Variants in SATB2 observed in about 807,000 individuals in gnomAD.
SATB2 encodes SATB homeobox 2, also known as DNA-binding protein SATB2.
In SATB2, 1 loss-of-function variant was observed where a neutral mutation model predicts 73.4. The observed-to-expected ratio is 0.01, with a 90% confidence interval of 0.00 to 0.06. SATB2 has a LOEUF of 0.06. Ranked by LOEUF, SATB2 falls within the 10% of genes least tolerant of loss-of-function variation. The pLI is 1.00. For synonymous variants in SATB2, 397 were observed against 367.0 expected, an observed-to-expected ratio of 1.08 and a Z score of -0.93; for missense variants, 459 against 945.8, an observed-to-expected ratio of 0.49 and a Z score of 6.75.
chr2:199,443,047 A>T (rs1691867328), intron 2 of SATB2, among the ~76,000 whole-genome samples: 1 of 144,658 alleles, frequency 6.9e-6, no homozygotes, highest in African/African-American at 2.6e-5. Flanking sequence ...TTTGAGACAG[A>T]GTCTCACTCT....
chr2:199,375,365 T>A (rs1219526435), intron 5 of SATB2, among the ~76,000 whole-genome samples: 1 of 152,142 alleles, frequency 6.6e-6, no homozygotes, highest in Admixed American at 6.6e-5. Context: ...TTAAACACAC[T>A]TTGAAAGGTG....
At chr2:199,389,309 G>T (rs1300315769) in intron 3 of SATB2, among the ~76,000 whole-genome samples, 1 of 152,118 alleles carries the variant, frequency 6.6e-6, no homozygotes, top group Non-Finnish European at 1.5e-5. Context: ...CTTCTGCTTT[G>T]ATTTTAAGGA....
rs542758319 is a variant in SATB2 at position 199,398,878 on chromosome 2, G to T, written c.347-17058C>A. Among the ~76,000 whole-genome samples the T allele has an allele frequency of 4.6e-5, 7 of 152,278 alleles. No individual in the cohort carries two copies. The East Asian group carries it at 1.2e-3, about 25-fold the overall frequency. On this transcript the variant is annotated intron_variant, in intron 3 of 10. Coordinates refer to ENST00000417098, the MANE Select transcript of SATB2 (RefSeq NM_001172509.2). ...AGACTACTATTTTTTCTAACAGTGG[G>T]TAAGAGAGTAACTCCTACGAGCTAA... is the stretch of plus-strand genomic sequence containing the variant.
Position 199,463,132 on chromosome 2 carries a change from G to A in SATB2, c.-141+1704C>T, listed in dbSNP as rs916157773. Among the ~76,000 whole-genome samples the A allele has an allele frequency of 7.2e-5, 11 of 152,260 alleles. No individual in the cohort carries two copies. In the East Asian group the frequency reaches 2.0e-3, roughly 27 times the overall value. On this transcript the variant is annotated intron_variant, in intron 1 of 11. Coordinates refer to the SATB2 transcript ENST00000260926. This position sits in a 1 kb window ranked among gnomAD's most constrained non-coding sequence, Gnocchi z 6.4. ...GGGAAGACGGAGGGTCCTGCGGCCT[G>A]GAGCACCACCCTACCACACCAGGCA...
chr2:199,385,473 A>T (rs965171086), intron 3 of SATB2, among the ~76,000 whole-genome samples: 1 of 152,016 alleles, frequency 6.6e-6, no homozygotes, highest in Non-Finnish European at 1.5e-5. Flanking sequence ...ACACTATGAC[A>T]ATCTCTCTGT....
Position 199,457,176 on chromosome 2 carries a change from C to A in SATB2, c.-60+163G>T, listed in dbSNP as rs932935706. ...GCAGGGGGAGGTGAAAGGAAGGATG[C>A]GAGATGAAGACACGGAGCAGGAGGG... On this transcript the variant is annotated intron_variant, in intron 1 of 10. Coordinates refer to ENST00000417098, the MANE Select transcript of SATB2 (RefSeq NM_001172509.2). The surrounding 1 kb of genome is among the most constrained non-coding windows in gnomAD (Gnocchi z 4.8). Among the ~76,000 whole-genome samples, 14 of 152,168 alleles carry A rather than the reference C, an allele frequency of 9.2e-5. No individual in the cohort carries two copies. The highest frequency in any genetic ancestry group is 3.4e-4 in the African/African-American group (14 of 41,448).
At chr2:199,303,770 G>A (rs866145891) in intron 10 of SATB2, among the ~76,000 whole-genome samples, 2 of 152,092 alleles carry the variant, frequency 1.3e-5, no homozygotes, top group South Asian at 2.1e-4. Flanking sequence ...GTTGAAAATC[G>A]CCTGAGAAGC....
chr2:199,458,296 A>ACCCAACGGCGG (rs1357456438), upstream of SATB2: 1 of 218,180 alleles, frequency 4.6e-6, no homozygotes, highest in Non-Finnish European at 8.7e-6. Context: ...GAGCACGGCG[A>ACCCAACGGCGG]CCCAACGGCG....
chr2:199,328,639 A>T, intron 8 of SATB2, 59 bp downstream of exon 8: 1 of 1,255,472 alleles, frequency 8.0e-7, no homozygotes, highest in Non-Finnish European at 1.2e-6. Flanking sequence ...CACAGTAACT[A>T]GTGAAGGCAA....
At chr2:199,371,081 C>T (rs1689432897) in intron 5 of SATB2, among the ~76,000 whole-genome samples, 1 of 151,904 alleles carries the variant, frequency 6.6e-6, no homozygotes, top group African/African-American at 2.4e-5. Context: ...GAACTAATAC[C>T]CAAAATAGTT....
At chr2:199,390,099 GGA>G (rs1412298124) in intron 3 of SATB2, among the ~76,000 whole-genome samples, 1 of 151,814 alleles carries the variant, frequency 6.6e-6, no homozygotes, top group African/African-American at 2.4e-5. Context: ...AAAAAAAAAT[GGA>G]GAGGGAGAGA....
At chr2:199,398,123 A>C (rs1385778575) in intron 3 of SATB2, among the ~76,000 whole-genome samples, 3 of 152,202 alleles carry the variant, frequency 2.0e-5, no homozygotes, top group African/African-American at 7.2e-5. Context: ...CTATTAACAC[A>C]TGATTAAGAA....
chr2:199,458,497 G>T, upstream of SATB2: 1 of 380,994 alleles, frequency 2.6e-6, no homozygotes, highest in Non-Finnish European at 5.1e-6. Flanking sequence ...GGTGCGTCTG[G>T]GCGCAGGCGG....
intron 3 of SATB2, among the ~76,000 whole-genome samples, chr2:199,395,078 GTC>G (rs1288114038): frequency 2.0e-5 from 3 of 151,680 alleles, no homozygotes; most frequent in Non-Finnish European, 4.4e-5. Flanking sequence ...TTTCCTTCAT[GTC>G]TAATTTTCTT....
At chr2:199,346,858 C>CTTTTTTTTTTTTT (rs540374842) in intron 7 of SATB2, 1 of 88,440 alleles carries the variant, frequency 1.1e-5, no homozygotes, top group Non-Finnish European at 2.2e-5. Flanking sequence ...TTTCACTTAA[C>CTTTTTTTTTTTTT]TTTTTTTTTT....
intron 3 of SATB2, among the ~76,000 whole-genome samples, chr2:199,420,344 TTTC>T (rs1400338032): frequency 2.0e-5 from 3 of 152,216 alleles, no homozygotes; most frequent in Non-Finnish European, 4.4e-5. Flanking sequence ...CCACTCCTTT[TTTC>T]TTGTTTTTAG....
rs58933591 is a variant in SATB2 at position 199,386,694 on chromosome 2, AAGCGCGCGCGCG to A, written c.347-4886_347-4875del. On this transcript the variant is annotated intron_variant, in intron 3 of 10. Transcript: ENST00000417098. The stretch of plus-strand genomic sequence containing the variant: ...TAGGAAATATTTCATACACGTGCGC[AAGCGCGCGCGCG>A]CGCGCGCGCGCACACACACACACAC... Among the ~76,000 whole-genome samples the A allele has an allele frequency of 1.0e-3, 148 of 142,918 alleles. 4 individuals carry two copies. The highest frequency in any genetic ancestry group is 3.6e-3 in the Middle Eastern group (1 of 276). The allele number at this position is 142,918 out of a possible 152,430, so 93.8% of individuals were successfully genotyped here.
At chr2:199,426,850 CATCTATTTATTTAGAGACATCT>C (rs1212847768) in intron 3 of SATB2, among the ~76,000 whole-genome samples, 2 of 151,954 alleles carry the variant, frequency 1.3e-5, no homozygotes, top group African/African-American at 4.8e-5. Context: ...TATTTAGAGA[CATCTATTTATTTAGAGACATCT>C]ATCTATTTAT....
chr2:199,455,793 A>T lies in SATB2; in HGVS notation c.169+76T>A. ...GTAATCCTACACCGCGACAGCGCCT[A>T]ATCAACCTGAACCCTGACACCCGGG... On this transcript the variant is annotated intron_variant, in intron 2 of 10. Transcript: ENST00000417098. This position sits in a 1 kb window ranked among gnomAD's most constrained non-coding sequence, Gnocchi z 4.1. The T allele has an allele frequency of 2.0e-6, 3 of 1,480,998 alleles. No individual in the cohort carries two copies. The South Asian group carries it at 3.6e-5, about 18-fold the overall frequency. The allele number at this position is 1,480,998 out of a possible 1,614,324, so 91.7% of individuals were successfully genotyped here. A position where few individuals can be genotyped will look rare whatever the true frequency, so the allele number is the denominator to read the frequency against.
Sources: gnomAD v4.1 joint callset for allele counts (sites outside exome capture counted in the v4.1 genomes callset) on GRCh38, gnomAD v4.1.1 for gene constraint, Gnocchi (gnomAD v3.1) non-coding constraint, MANE v1.5 for transcripts, NCBI Gene and HGNC (gene_info 2026-07-23, HGNC 2026-07-21) for gene names.